Variants in CTNNA2 observed in about 807,000 individuals in gnomAD.
CTNNA2 encodes the protein catenin alpha-2.
CTNNA2 carries 42 observed loss-of-function variants against 101.0 expected under a neutral mutation model. The ratio of observed to expected loss-of-function variants is 0.42; its 90% CI spans 0.32 to 0.54. CTNNA2 has a LOEUF of 0.54. Ranked by LOEUF, CTNNA2 falls within the 20% of genes least tolerant of loss-of-function variation. CTNNA2 has a pLI of 0.14. For synonymous variants in CTNNA2, 450 were observed against 456.4 expected, an observed-to-expected ratio of 0.99 and a Z score of 0.18; for missense variants, 871 against 1,223.1, an observed-to-expected ratio of 0.71 and a Z score of 4.29.
At chr2:79,565,043 T>G (rs183003137) in intron 1 of CTNNA2, among the ~76,000 whole-genome samples, 3 of 152,266 alleles carry the variant, frequency 2.0e-5, no homozygotes, top group East Asian at 3.9e-4. Context: ...TAAATATTTT[T>G]GGGCAGTTGG....
chr2:79,200,746 AAC>A (rs1163251837), intron 2 of CTNNA2, among the ~76,000 whole-genome samples: 8 of 152,162 alleles, frequency 5.3e-5, no homozygotes, highest in Non-Finnish European at 1.2e-4. Context: ...TTTTAATACA[AAC>A]ACACAGGCAC....
At chr2:79,601,627 T>G (rs1280299576) in intron 1 of CTNNA2, among the ~76,000 whole-genome samples, 1 of 152,206 alleles carries the variant, frequency 6.6e-6, no homozygotes, top group Non-Finnish European at 1.5e-5. Flanking sequence ...GTACAAATAT[T>G]CACTGCATGA....
Position 79,324,236 on chromosome 2 carries a change from G to C in CTNNA2, c.-318+11440G>C, listed in dbSNP as rs6749525. The stretch of plus-strand genomic sequence containing the variant: ...AGGCTGCCAGGCAGGGCCACATAGG[G>C]GCACCCACCTGGAGGCAGGGTAGCA... On this transcript the variant is annotated intron_variant, in intron 3 of 21. Coordinates refer to the CTNNA2 transcript ENST00000466387. Among the ~76,000 whole-genome samples the C allele has an allele frequency of 3.7e-3, 563 of 152,268 alleles. 2 individuals are homozygous for C. Among genetic ancestry groups the C allele is most frequent in the African/African-American group, 0.013 (527 of 41,564 alleles).
At chr2:79,415,454 T>G (rs531906253) in intron 4 of CTNNA2, among the ~76,000 whole-genome samples, 1 of 152,258 alleles carries the variant, frequency 6.6e-6, no homozygotes, top group Non-Finnish European at 1.5e-5. Flanking sequence ...AAGAATAAAC[T>G]AATACACTCC....
chr2:80,037,385 T>A (rs561484667), intron 7 of CTNNA2, among the ~76,000 whole-genome samples: 1 of 152,316 alleles, frequency 6.6e-6, no homozygotes, highest in Admixed American at 6.5e-5. Context: ...GCAAAAAAAA[T>A]GATCCTCTGT....
intron 9 of CTNNA2, among the ~76,000 whole-genome samples, chr2:80,462,173 G>A (rs1229932916): frequency 6.6e-6 from 1 of 152,114 alleles, no homozygotes; most frequent in Admixed American, 6.5e-5. Context: ...TAACAACCTC[G>A]GGAGGTGGGA....
At chr2:79,965,827 C>CAAAAAAAAAAAAAAAAAAAAAAGAAAA (rs1690005070) in intron 7 of CTNNA2, among the ~76,000 whole-genome samples, 1 of 77,996 alleles carries the variant, frequency 1.3e-5, no homozygotes, top group Non-Finnish European at 2.4e-5. Context: ...GAGACTATGT[C>CAAAAAAAAAAAAAAAAAAAAAAGAAAA]AAAAAAAAAA....
intron 2 of CTNNA2, among the ~76,000 whole-genome samples, chr2:79,216,430 T>G (rs1346435502): frequency 1.3e-5 from 2 of 150,564 alleles, no homozygotes; most frequent in Non-Finnish European, 3.0e-5. Flanking sequence ...GGTGCAGAGA[T>G]AAGAGGTCGG....
intron 1 of CTNNA2, chr2:79,195,772 A>T (rs112677585): frequency 2.6e-5 from 13 of 499,780 alleles, no homozygotes; most frequent in Non-Finnish European, 4.8e-5. Context: ...AGCAAGTTTT[A>T]TCATCTCAGA....
At chr2:79,191,054 G>T (rs781081446) in intron 1 of CTNNA2, among the ~76,000 whole-genome samples, 2 of 152,106 alleles carry the variant, frequency 1.3e-5, no homozygotes, top group Non-Finnish European at 2.9e-5. Flanking sequence ...CAACATGACT[G>T]CCTGGAAAAT....
intron 3 of CTNNA2, among the ~76,000 whole-genome samples, chr2:79,795,885 T>C (rs1352040544): frequency 1.3e-5 from 2 of 152,230 alleles, no homozygotes; most frequent in East Asian, 3.9e-4. Flanking sequence ...TGTCCTCGGG[T>C]GAAATGTCTG....
chr2:80,643,776 G>T (rs1673744424), intron 18 of CTNNA2, among the ~76,000 whole-genome samples: 1 of 152,106 alleles, frequency 6.6e-6, no homozygotes. Flanking sequence ...AATTAGCAGA[G>T]ATCAGTTTCC....
At chr2:79,258,648 G>A (rs947323539) in intron 2 of CTNNA2, among the ~76,000 whole-genome samples, 1 of 152,032 alleles carries the variant, frequency 6.6e-6, no homozygotes, top group African/African-American at 2.4e-5. Flanking sequence ...GCTCACTGGA[G>A]GATGTCAAGT....
Position 79,242,594 on chromosome 2 carries a change from C to A in CTNNA2, c.-406+44518C>A, listed in dbSNP as rs552225784. Among the ~76,000 whole-genome samples the A allele has an allele frequency of 3.9e-5, 6 of 152,182 alleles. No individual in the cohort carries two copies. The South Asian group carries it at 1.2e-3, about 32-fold the overall frequency. On this transcript the variant is annotated intron_variant, in intron 2 of 21. Transcript: ENST00000466387. The stretch of plus-strand genomic sequence containing the variant: ...CTCCACAACTACAATAATAAAATAA[C>A]ATCACCTAACATAAAACCTATATTC...
At chr2:79,596,447 A>G (rs946023502) in intron 1 of CTNNA2, among the ~76,000 whole-genome samples, 3 of 152,186 alleles carry the variant, frequency 2.0e-5, no homozygotes, top group African/African-American at 7.2e-5. Flanking sequence ...TACCTTGTGT[A>G]TAAGAGAATA....
chr2:80,040,849 T>A (rs1696000416), intron 7 of CTNNA2, among the ~76,000 whole-genome samples: 1 of 152,124 alleles, frequency 6.6e-6, no homozygotes, highest in African/African-American at 2.4e-5. Context: ...GGAATTTACC[T>A]TAAGGAAATA....
chr2:79,318,782 A>G (rs1227791823), intron 3 of CTNNA2, among the ~76,000 whole-genome samples: 1 of 152,218 alleles, frequency 6.6e-6, no homozygotes, highest in Non-Finnish European at 1.5e-5. Flanking sequence ...TGGATTAGTC[A>G]TGGTAGAAAT....
At chr2:80,250,412 G>T (rs947335785) in intron 7 of CTNNA2, among the ~76,000 whole-genome samples, 1 of 152,154 alleles carries the variant, frequency 6.6e-6, no homozygotes, top group African/African-American at 2.4e-5. Flanking sequence ...AGATGTTTCA[G>T]GGAGTAAACG....
chr2:80,166,420 G>T (rs2148954560), intron 7 of CTNNA2, among the ~76,000 whole-genome samples: 1 of 152,252 alleles, frequency 6.6e-6, no homozygotes, highest in African/African-American at 2.4e-5. Context: ...TAAAACCTAA[G>T]GGATGGGGTC....
Sources: allele counts gnomAD v4.1 joint callset (sites outside exome capture counted in the v4.1 genomes callset), GRCh38; gene constraint gnomAD v4.1.1; transcripts MANE v1.5; gene names NCBI Gene and HGNC (gene_info 2026-07-23, HGNC 2026-07-21).